Variants in CAST observed in about 807,000 individuals in gnomAD.
CAST encodes MIR583 host.
CAST carries 76 observed loss-of-function variants against 119.6 expected under a neutral mutation model. The observed-to-expected ratio is 0.64, with a 90% confidence interval of 0.53 to 0.77. The LOEUF is 0.77. Among genes scored for constraint, CAST ranks in the 30% least tolerant of loss-of-function variants. The pLI is 0.00. For missense variants in CAST, 953 were observed against 946.5 expected (o/e 1.01, Z -0.09); for synonymous variants, 319 against 331.6 (o/e 0.96, Z 0.41).
chr5:95,999,331 T>C, the CAST span, among the ~76,000 whole-genome samples: 1 of 152,170 alleles, frequency 6.6e-6, no homozygotes, highest in Non-Finnish European at 1.5e-5. Context: ...ATTGTATGGA[T>C]ACGCCATATT....
intron 1 of CAST, among the ~76,000 whole-genome samples, chr5:96,549,844 G>A (rs1254821486): frequency 2.0e-5 from 3 of 152,206 alleles, no homozygotes; most frequent in Non-Finnish European, 2.9e-5. Context: ...AGGGATGTCC[G>A]CCATTGCTGA....
the CAST span, chr5:96,393,372 G>A: frequency 6.2e-7 from 1 of 1,613,706 alleles, no homozygotes; most frequent in Non-Finnish European, 8.5e-7. Flanking sequence ...TCTTGTGTGG[G>A]CTGCTCCTAA....
intron 2 of CAST, among the ~76,000 whole-genome samples, chr5:96,688,004 G>A (rs150740954): frequency 2.0e-5 from 3 of 152,290 alleles, no homozygotes; most frequent in South Asian, 2.1e-4. Context: ...TTTGTTAAAC[G>A]TGATATGGTG....
chr5:96,181,669 A>T, the CAST span, among the ~76,000 whole-genome samples: 1 of 152,184 alleles, frequency 6.6e-6, no homozygotes, highest in African/African-American at 2.4e-5. Context: ...TCTGTGTTTT[A>T]ATTTTCATTT....
At chr5:96,494,961 CA>C in the CAST span, among the ~76,000 whole-genome samples, 36 of 151,674 alleles carry the variant, frequency 2.4e-4, no homozygotes, top group East Asian at 5.8e-4. Flanking sequence ...ACTAAAAATA[CA>C]AAAAAATTAG....
At chr5:96,177,520 T>C in the CAST span, among the ~76,000 whole-genome samples, 1 of 152,282 alleles carries the variant, frequency 6.6e-6, no homozygotes, top group South Asian at 2.1e-4. Flanking sequence ...CTTTTGCTCA[T>C]ATAGCAAGCT....
the CAST span, among the ~76,000 whole-genome samples, chr5:95,978,832 G>T: frequency 6.6e-6 from 1 of 152,064 alleles, no homozygotes. Flanking sequence ...ACAAAATCAG[G>T]ATACATATGC....
intron 1 of CAST, among the ~76,000 whole-genome samples, chr5:96,543,558 T>C (rs887415319): frequency 3.3e-5 from 5 of 152,122 alleles, no homozygotes; most frequent in Non-Finnish European, 1.5e-5. Flanking sequence ...AAAAAATAAA[T>C]AAATAAAGTG....
chr5:96,334,726 C>T, the CAST span, among the ~76,000 whole-genome samples: 4 of 152,268 alleles, frequency 2.6e-5, no homozygotes, highest in African/African-American at 9.6e-5. Context: ...GAGCTGCTAC[C>T]TCAGTGTCCC....
chr5:96,092,493 T>C, the CAST span, among the ~76,000 whole-genome samples: 1 of 152,220 alleles, frequency 6.6e-6, no homozygotes, highest in Non-Finnish European at 1.5e-5. Flanking sequence ...TGAGTTAGGC[T>C]TAGGTTTTCA....
At chr5:96,362,917 T>C in the CAST span, among the ~76,000 whole-genome samples, 1 of 152,248 alleles carries the variant, frequency 6.6e-6, no homozygotes, top group Admixed American at 6.5e-5. Flanking sequence ...CCCATGCCTG[T>C]GTCCTGAATG....
At chr5:96,512,400 G>A in the CAST span, among the ~76,000 whole-genome samples, 37 of 152,120 alleles carry the variant, frequency 2.4e-4, no homozygotes, top group Non-Finnish European at 2.8e-4. Context: ...AGGCCACTTC[G>A]GAAAACATGG....
chr5:96,770,143 C>G (rs1035440082), intron 29 of CAST: 1 of 187,058 alleles, frequency 5.3e-6, no homozygotes, highest in Admixed American at 5.4e-5. Context: ...AACCTATATA[C>G]TGTTTTCCAT....
At chr5:96,771,302 C>G (rs555490498) in intron 30 of CAST, among the ~76,000 whole-genome samples, 1 of 152,194 alleles carries the variant, frequency 6.6e-6, no homozygotes, top group South Asian at 2.1e-4. Context: ...AGTGGATTTA[C>G]TGGACAGCCA....
chr5:96,683,563 G>A (rs1340441105), intron 2 of CAST, among the ~76,000 whole-genome samples: 2 of 151,996 alleles, frequency 1.3e-5, no homozygotes, highest in East Asian at 3.9e-4. Flanking sequence ...TTAACAGAGG[G>A]GCAGGAGGAT....
chr5:96,716,206 GC>G (rs889143181), intron 3 of CAST, among the ~76,000 whole-genome samples: 15 of 152,140 alleles, frequency 9.9e-5, no homozygotes, highest in African/African-American at 3.1e-4. Flanking sequence ...TCTTAGAAAA[GC>G]CCCTTGTGAG....
rs1216173561 is a variant in CAST at position 96,593,562 on chromosome 5, G to C, written c.60+63682G>C. On this transcript the variant is annotated intron_variant, in intron 1 of 11. Coordinates refer to the CAST transcript ENST00000505143. ...ATGAGGTATGCACATGAACAGAAGA[G>C]ATACATGCAATATGTGTGCAATGGA... is the stretch of plus-strand genomic sequence containing the variant. Among the ~76,000 whole-genome samples, 50 of 152,236 alleles carry C rather than the reference G, an allele frequency of 3.3e-4. 1 individual carries two copies. The highest frequency in any genetic ancestry group is 3.3e-3 in the Admixed American group (50 of 15,282).
At chr5:96,121,483 G>GAA in the CAST span, among the ~76,000 whole-genome samples, 60 of 134,728 alleles carry the variant, frequency 4.5e-4, no homozygotes, top group African/African-American at 1.5e-3. Context: ...TCATTTTGAT[G>GAA]AAAAAAAAAA....
intron 1 of CAST, among the ~76,000 whole-genome samples, chr5:96,566,955 G>A (rs546893407): frequency 2.0e-5 from 3 of 152,108 alleles, no homozygotes; most frequent in Admixed American, 6.6e-5. Flanking sequence ...TTGCAAACAC[G>A]TACCAACTTG....
Sources: allele counts gnomAD v4.1 joint callset (sites outside exome capture counted in the v4.1 genomes callset), GRCh38; gene constraint gnomAD v4.1.1; transcripts MANE v1.5; gene names NCBI Gene and HGNC (gene_info 2026-07-23, HGNC 2026-07-21).